Variants in GREB1L observed in about 807,000 individuals in gnomAD.
GREB1L encodes the protein GREB1 like retinoic acid receptor coactivator.
GREB1L carries 17 observed loss-of-function variants against 200.8 expected under a neutral mutation model. The ratio of observed to expected loss-of-function variants is 0.08; its 90% CI spans 0.06 to 0.13. The LOEUF (loss-of-function observed/expected upper bound fraction) is 0.13. Ranked by LOEUF, GREB1L falls within the 10% of genes least tolerant of loss-of-function variation. The pLI is 1.00. For synonymous variants in GREB1L, 789 were observed against 893.0 expected (o/e 0.88, Z 2.08); for missense variants, 1,657 against 2,367.7 (o/e 0.70, Z 6.23).
chr18:21,426,957 T>TCAAAAAAAAAAAAAA (rs1443613309), intron 7 of GREB1L, among the ~76,000 whole-genome samples: 3 of 45,562 alleles, frequency 6.6e-5, no homozygotes, highest in African/African-American at 2.5e-4. Context: ...AGACTACGTC[T>TCAAAAAAAAAAAAAA]CAAAAAAAAA....
At chr18:21,350,847 A>C (rs1323632617) in intron 1 of GREB1L, among the ~76,000 whole-genome samples, 1 of 152,010 alleles carries the variant, frequency 6.6e-6, no homozygotes, top group Admixed American at 6.6e-5. Context: ...TCCGTAAAAA[A>C]CCTTGCTGGA....
intron 1 of GREB1L, among the ~76,000 whole-genome samples, chr18:21,311,780 GTGGAAAT>G (rs2038794383): frequency 6.6e-6 from 1 of 152,090 alleles, no homozygotes; most frequent in Non-Finnish European, 1.5e-5. Flanking sequence ...TGACAAGCAT[GTGGAAAT>G]GTATACATTT....
chr18:21,268,520 T>TACACACACACACACAC (rs1223067944), intron 1 of GREB1L, among the ~76,000 whole-genome samples: 1 of 75,046 alleles, frequency 1.3e-5, no homozygotes, highest in Non-Finnish European at 2.3e-5. Context: ...TGTATATATA[T>TACACACACACACACAC]ATACACACAC....
chr18:21,428,332 C>CTTTTTTTTTTTTTTTTT (rs59982674), intron 7 of GREB1L, among the ~76,000 whole-genome samples: 12 of 54,032 alleles, frequency 2.2e-4, no homozygotes, highest in South Asian at 8.6e-4. Context: ...GTCTTTTTGT[C>CTTTTTTTTTTTTTTTTT]TTTTTTTTTT....
At position 21,277,318 on chromosome 18, in the gene GREB1L, C is replaced by T. The variant is rs566888161; in HGVS notation, c.-120+34925C>T. Among the ~76,000 whole-genome samples the T allele has an allele frequency of 5.9e-5, 9 of 152,280 alleles. No individual in the cohort carries two copies. The East Asian group carries it at 1.5e-3, about 26-fold the overall frequency. ...GCCTCCTGTGAGGCTCGTGCAGGTGCCCTGGCCAGGTTGCCATGCTAGGGG... is the reference window on the plus strand; with the variant it reads ...GCCTCCTGTGAGGCTCGTGCAGGTGTCCTGGCCAGGTTGCCATGCTAGGGG... On this transcript the variant is annotated intron_variant, in intron 1 of 32. Coordinates refer to ENST00000424526, the MANE Select transcript of GREB1L (RefSeq NM_001142966.3).
chr18:21,505,357 A>G (rs2036970680), intron 23 of GREB1L, 55 bp from the exon 24 acceptor site: 1 of 1,489,742 alleles, frequency 6.7e-7, no homozygotes, highest in Admixed American at 2.0e-5. Context: ...TCTCTCTGAC[A>G]CATGGGGAAG....
At chr18:21,404,660 T>G (rs112039667) in intron 7 of GREB1L, among the ~76,000 whole-genome samples, 4 of 152,320 alleles carry the variant, frequency 2.6e-5, no homozygotes, top group African/African-American at 9.6e-5. Context: ...AGATTCCAGG[T>G]GGAACTTCAT....
At chr18:21,509,104 T>C (rs1401821352) in intron 27 of GREB1L, among the ~76,000 whole-genome samples, 7 of 152,246 alleles carry the variant, frequency 4.6e-5, no homozygotes, top group Non-Finnish European at 1.0e-4. Context: ...GAAGTCCTGC[T>C]TTCCTCCTGG....
intron 1 of GREB1L, among the ~76,000 whole-genome samples, chr18:21,254,906 T>A (rs1314636838): frequency 6.6e-6 from 1 of 152,138 alleles, no homozygotes; most frequent in Admixed American, 6.5e-5. Context: ...CAAATCTTAG[T>A]GAGACTTCAC....
chr18:21,298,078 C>G (rs1234237898), intron 1 of GREB1L, among the ~76,000 whole-genome samples: 1 of 152,090 alleles, frequency 6.6e-6, no homozygotes, highest in African/African-American at 2.4e-5. Flanking sequence ...CCAGTAGGGA[C>G]AGCCCTCAAA....
Position 21,496,612 on chromosome 18 carries a change from C to G in GREB1L, c.3305C>G (p.Ala1102Gly). The G allele has an allele frequency of 1.3e-6, 2 of 1,551,722 alleles. No homozygotes were observed. The highest frequency in any genetic ancestry group is 1.7e-6 in the Non-Finnish European group (2 of 1,146,998). The change falls in exon 21 of 33, where the codon GCT (alanine) becomes GGT (glycine). Residue 1102 changes from alanine (A) to glycine (G), a missense_variant. Physicochemically the swap from Ala to Gly is moderately conservative, Grantham distance 60. Transcript: ENST00000424526. ...LDLSGKEQER[A>G]AVSENDSDEL... ...CTCAGCGGGAAGGAGCAGGAGAGAG[C>G]TGCTGTCAGTGAGAATGACTCCGAT...
chr18:21,520,901 A>T (rs1447911711), intron 32 of GREB1L, 78 bp downstream of exon 32: 2 of 1,323,838 alleles, frequency 1.5e-6, no homozygotes, highest in Non-Finnish European at 2.0e-6. Flanking sequence ...AGATATTTTT[A>T]AAAAGCACTT....
intron 1 of GREB1L, among the ~76,000 whole-genome samples, chr18:21,246,067 T>C (rs2143844142): frequency 6.6e-6 from 1 of 152,346 alleles, no homozygotes; most frequent in South Asian, 2.1e-4. Flanking sequence ...TTTTCTTTTC[T>C]TCTTTTTCCC....
At chr18:21,443,955 A>G (rs1365019357) in intron 10 of GREB1L, among the ~76,000 whole-genome samples, 4 of 152,222 alleles carry the variant, frequency 2.6e-5, no homozygotes, top group Non-Finnish European at 4.4e-5. Flanking sequence ...TCTTCTGACT[A>G]TTTCAGTCCA....
chr18:21,280,270 C>G (rs1248667396), intron 1 of GREB1L, among the ~76,000 whole-genome samples: 1 of 152,144 alleles, frequency 6.6e-6, no homozygotes, highest in African/African-American at 2.4e-5. Context: ...TTGCCTGTTC[C>G]CAGAATGTCA....
intron 23 of GREB1L, among the ~76,000 whole-genome samples, chr18:21,504,759 G>T (rs1200408138): frequency 3.3e-5 from 5 of 152,188 alleles, no homozygotes; most frequent in African/African-American, 1.2e-4. Flanking sequence ...ATCCCAGGTG[G>T]TTGAGGCTGC....
intron 25 of GREB1L, among the ~76,000 whole-genome samples, chr18:21,507,398 T>C (rs550543239): frequency 2.3e-3 from 349 of 152,314 alleles, no homozygotes; most frequent in Non-Finnish European, 4.0e-3. Flanking sequence ...TTAAAACCAT[T>C]GGGAAACCTA....
intron 6 of GREB1L, 37 bp from the exon 7 acceptor site, chr18:21,403,835 G>A (rs189124223): frequency 1.3e-6 from 2 of 1,532,990 alleles, no homozygotes; most frequent in Non-Finnish European, 1.8e-6. Context: ...ACAGAACATT[G>A]GTCACTTCAT....
chr18:21,426,958 C>CAAAAAAAAA (rs568993346), intron 7 of GREB1L, among the ~76,000 whole-genome samples: 3 of 68,422 alleles, frequency 4.4e-5, no homozygotes, highest in African/African-American at 1.1e-4. Context: ...GACTACGTCT[C>CAAAAAAAAA]AAAAAAAAAA....
Sources: allele counts gnomAD v4.1 joint callset (sites outside exome capture counted in the v4.1 genomes callset), GRCh38; gene constraint gnomAD v4.1.1; transcripts MANE v1.5; gene names NCBI Gene and HGNC (gene_info 2026-07-23, HGNC 2026-07-21).